The following ETV6 variants were observed in gnomAD, a reference collection of about 807,000 sequenced individuals.
The protein encoded by ETV6 is transcription factor ETV6.
ETV6 carries 16 observed loss-of-function variants against 51.1 expected under a neutral mutation model. The ratio of observed to expected loss-of-function variants is 0.31; its 90% CI spans 0.21 to 0.48. The LOEUF is 0.48. Ranked by LOEUF, ETV6 falls within the 20% of genes least tolerant of loss-of-function variation. The pLI, the probability that ETV6 is intolerant of heterozygous loss-of-function variation, is 0.99. For missense variants in ETV6, 458 were observed against 594.8 expected, an observed-to-expected ratio of 0.77 and a Z score of 2.39; for synonymous variants, 240 against 224.1, an observed-to-expected ratio of 1.07 and a Z score of -0.64.
chr12:11,891,492 GCGGCAAGCC>G lies in ETV6; in HGVS notation c.*448_*456del, dbSNP rs1168252755. The G allele has an allele frequency of 2.0e-6, 1 of 496,202 alleles. No individual in the cohort carries two copies. Among genetic ancestry groups the G allele is most frequent in the African/African-American group, 1.9e-5 (1 of 51,356 alleles). The allele number at this position is 496,202 out of a possible 1,614,324, so 30.7% of individuals were successfully genotyped here. On this transcript the variant is annotated 3_prime_UTR_variant, in exon 8 of 8. Transcript: ENST00000396373. ...ATATTTTTTGCAAATCTCACAAAGT[GCGGCAAGCC>G]CAGCTGGTCAGGAAAGAGAATACTT...
In ETV6 at chr12:11,891,487, A is replaced by G. The variant is rs895117749; in HGVS notation, c.*441A>G. 16 of 493,506 alleles carry G rather than the reference A, an allele frequency of 3.2e-5. No individual in the cohort carries two copies. The Middle Eastern group carries it at 9.5e-4, about 29-fold the overall frequency. 30.6% of individuals were successfully genotyped at this position (493,506 alleles called of 1,614,324 possible). On this transcript the variant is annotated 3_prime_UTR_variant, in exon 8 of 8. Transcript: ENST00000396373. ...TATATATATTTTTTGCAAATCTCAC[A>G]AAGTGCGGCAAGCCCAGCTGGTCAG...
At chr12:11,879,336 C>A (rs1311186419) in intron 5 of ETV6, among the ~76,000 whole-genome samples, 1 of 152,136 alleles carries the variant, frequency 6.6e-6, no homozygotes, top group African/African-American at 2.4e-5. Context: ...TAAACATTCC[C>A]TATGTCAATA....
At chr12:11,661,038 G>C (rs1864092256) in intron 1 of ETV6, among the ~76,000 whole-genome samples, 1 of 152,206 alleles carries the variant, frequency 6.6e-6, no homozygotes, top group Non-Finnish European at 1.5e-5. Flanking sequence ...CACCCATGCT[G>C]AACTACAGTG....
intron 2 of ETV6, among the ~76,000 whole-genome samples, chr12:11,805,021 T>G (rs929398217): frequency 1.3e-5 from 2 of 152,174 alleles, no homozygotes; most frequent in African/African-American, 4.8e-5. Flanking sequence ...CTCCTGAACT[T>G]GGCGTTCTCA....
chr12:11,780,830 T>C (rs1945403484), intron 2 of ETV6, among the ~76,000 whole-genome samples: 1 of 152,220 alleles, frequency 6.6e-6, no homozygotes, highest in African/African-American at 2.4e-5. Flanking sequence ...AGAAGTCTAG[T>C]AGATGATTGT....
intron 1 of ETV6, among the ~76,000 whole-genome samples, chr12:11,692,522 C>T (rs1474501556): frequency 6.6e-6 from 1 of 152,172 alleles, no homozygotes; most frequent in African/African-American, 2.4e-5. Flanking sequence ...GACTTCAGTA[C>T]AGTTAATGCC....
intron 5 of ETV6, 121 bp downstream of exon 5, chr12:11,870,090 T>G: frequency 3.6e-6 from 4 of 1,108,290 alleles, no homozygotes; most frequent in Non-Finnish European, 5.0e-6. Context: ...CAAGGCTCTC[T>G]GAGGGCAATT....
intron 2 of ETV6, among the ~76,000 whole-genome samples, chr12:11,773,656 G>C (rs1366847193): frequency 2.6e-5 from 4 of 152,208 alleles, no homozygotes; most frequent in Non-Finnish European, 4.4e-5. Context: ...GGCCTGGCTG[G>C]AAAGACTTTC....
intron 1 of ETV6, among the ~76,000 whole-genome samples, chr12:11,741,906 G>T (rs1047013705): frequency 6.6e-6 from 1 of 152,202 alleles, no homozygotes; most frequent in African/African-American, 2.4e-5. Flanking sequence ...CTTTAACAGC[G>T]TTCATGCCTG....
chr12:11,723,919 C>A (rs1291481196), intron 1 of ETV6, among the ~76,000 whole-genome samples: 1 of 148,342 alleles, frequency 6.7e-6, no homozygotes, highest in Non-Finnish European at 1.5e-5. Context: ...GCATAGGAGT[C>A]CTGGTCTGGG....
intron 2 of ETV6, among the ~76,000 whole-genome samples, chr12:11,827,334 A>T (rs1351160151): frequency 6.6e-6 from 1 of 152,138 alleles, no homozygotes; most frequent in Non-Finnish European, 1.5e-5. Context: ...CTTTGAAAGC[A>T]CTTGGAAGCA....
intron 2 of ETV6, among the ~76,000 whole-genome samples, chr12:11,789,248 A>G (rs561222286): frequency 1.8e-4 from 28 of 152,128 alleles, no homozygotes; most frequent in South Asian, 4.1e-4. Flanking sequence ...TGGCCAGGCT[A>G]GTCTCAAACT....
chr12:11,893,193 G>A lies in ETV6; in HGVS notation c.*2147G>A, dbSNP rs896934533. 4 of 232,622 alleles carry A rather than the reference G, an allele frequency of 1.7e-5. No individual in the cohort carries two copies. The highest frequency in any genetic ancestry group is 8.8e-5 in the African/African-American group (4 of 45,316). The allele number at this position is 232,622 out of a possible 1,614,324, so 14.4% of individuals were successfully genotyped here. ...GCAGAGATTAAGCCAAATACCTGATGTATTGTGAAAGCCACTGATTTTAAG... is the reference window on the plus strand; with the variant it reads ...GCAGAGATTAAGCCAAATACCTGATATATTGTGAAAGCCACTGATTTTAAG... On this transcript the variant is annotated 3_prime_UTR_variant, in exon 8 of 8. Transcript: ENST00000396373.
chr12:11,802,409 C>T (rs1945764281), intron 2 of ETV6, among the ~76,000 whole-genome samples: 1 of 152,244 alleles, frequency 6.6e-6, no homozygotes, highest in Admixed American at 6.5e-5. Context: ...TGGAAACCAT[C>T]TCAAAGTTCT....
intron 1 of ETV6, among the ~76,000 whole-genome samples, chr12:11,715,397 G>A (rs1412895362): frequency 1.3e-5 from 2 of 152,188 alleles, no homozygotes; most frequent in Admixed American, 6.5e-5. Flanking sequence ...TAGATACATA[G>A]TGAGTGCCAG....
intron 1 of ETV6, among the ~76,000 whole-genome samples, chr12:11,668,399 TG>T (rs577885532): frequency 2.1e-4 from 29 of 139,752 alleles, no homozygotes; most frequent in African/African-American, 4.6e-4. Flanking sequence ...CGCACTGTTT[TG>T]TTTTTTTTTT....
At chr12:11,705,464 T>C (rs900141976) in intron 1 of ETV6, among the ~76,000 whole-genome samples, 1 of 152,186 alleles carries the variant, frequency 6.6e-6, no homozygotes, top group African/African-American at 2.4e-5. Context: ...ATTATCTGCA[T>C]TGGGATAATG....
chr12:11,836,587 A>C (rs1488273330), intron 2 of ETV6, among the ~76,000 whole-genome samples: 3 of 152,144 alleles, frequency 2.0e-5, no homozygotes, highest in African/African-American at 7.2e-5. Context: ...TAACCGGCAG[A>C]GCTGTTTGGA....
intron 1 of ETV6, among the ~76,000 whole-genome samples, chr12:11,714,893 T>C (rs1317587687): frequency 3.3e-5 from 5 of 152,138 alleles, no homozygotes; most frequent in Non-Finnish European, 7.4e-5. Context: ...GGTTGGAGTA[T>C]GGTCAGTTCT....
Sources: gnomAD v4.1 joint callset for allele counts (sites outside exome capture counted in the v4.1 genomes callset) on GRCh38, gnomAD v4.1.1 for gene constraint, MANE v1.5 for transcripts, NCBI Gene and HGNC (gene_info 2026-07-23, HGNC 2026-07-21) for gene names.